MACROD2: variants seen among roughly 807,000 people sequenced by gnomAD.
MACROD2 encodes the protein mono-ADP ribosylhydrolase 2.
A neutral mutation model predicts 70.4 loss-of-function variants in MACROD2; 36 were observed. That is an observed-to-expected ratio of 0.51 (90% confidence interval 0.39 to 0.68). The LOEUF is 0.68. Ranked by LOEUF, MACROD2 falls within the 30% of genes least tolerant of loss-of-function variation. MACROD2 has a pLI of 0.00. For missense variants in MACROD2, 496 were observed against 538.4 expected (o/e 0.92, Z 0.78); for synonymous variants, 172 against 178.8 (o/e 0.96, Z 0.30).
chr20:14,197,726 C>T (rs1170508422), intron 3 of MACROD2, among the ~76,000 whole-genome samples: 1 of 151,822 alleles, frequency 6.6e-6, no homozygotes, highest in Non-Finnish European at 1.5e-5. Context: ...GAGATTGCAC[C>T]ACTGCATTCC....
intron 10 of MACROD2, 129 bp from the exon 11 acceptor site, chr20:15,933,147 C>A: frequency 1.1e-5 from 9 of 789,728 alleles, no homozygotes; most frequent in Non-Finnish European, 1.8e-5. Context: ...TGATTCATCT[C>A]TCTGCCTGGC....
intron 8 of MACROD2, among the ~76,000 whole-genome samples, chr20:15,665,790 A>G (rs564716574): frequency 6.6e-6 from 1 of 152,194 alleles, no homozygotes; most frequent in Non-Finnish European, 1.5e-5. Flanking sequence ...GTTTATACAT[A>G]TGAGACTTAT....
intron 2 of MACROD2, among the ~76,000 whole-genome samples, chr20:14,050,238 G>C (rs765741427): frequency 1.3e-5 from 2 of 152,152 alleles, no homozygotes; most frequent in African/African-American, 4.8e-5. Flanking sequence ...TCTGGAGAAG[G>C]CTTCTGGTTG....
chr20:14,732,622 T>G (rs773649173), intron 5 of MACROD2, among the ~76,000 whole-genome samples: 10 of 152,178 alleles, frequency 6.6e-5, no homozygotes, highest in Non-Finnish European at 1.5e-4. Context: ...AGTCGATGTT[T>G]TAGCCCGTAT....
At chr20:15,025,478 C>T (rs2075222790) in intron 5 of MACROD2, among the ~76,000 whole-genome samples, 1 of 150,604 alleles carries the variant, frequency 6.6e-6, no homozygotes, top group Non-Finnish European at 1.5e-5. Context: ...GAAAATGAAA[C>T]AAAGGGGGTG....
At chr20:15,579,574 G>T (rs893874711) in intron 8 of MACROD2, among the ~76,000 whole-genome samples, 15 of 152,112 alleles carry the variant, frequency 9.9e-5, no homozygotes, top group Non-Finnish European at 2.2e-4. Context: ...ATGTGTTTGT[G>T]GAATTTCCTT....
At chr20:14,324,724 A>G (rs1039756996) in intron 3 of MACROD2, 1 of 152,142 alleles carries the variant, frequency 6.6e-6, no homozygotes, top group Non-Finnish European at 1.5e-5. Flanking sequence ...ACCAAAATGC[A>G]GTTTTGGTAT....
At chr20:15,067,412 C>T (rs558980231) in intron 5 of MACROD2, among the ~76,000 whole-genome samples, 1 of 152,050 alleles carries the variant, frequency 6.6e-6, no homozygotes, top group South Asian at 2.1e-4. Context: ...TGCAGTGGTG[C>T]GATCTAAGCT....
At chr20:15,423,399 C>A (rs1600391243) in intron 6 of MACROD2, among the ~76,000 whole-genome samples, 1 of 152,332 alleles carries the variant, frequency 6.6e-6, no homozygotes, top group Middle Eastern at 3.4e-3. Context: ...AAGTCACATG[C>A]TCAAGTCTAT....
chr20:14,715,002 T>C lies in MACROD2; in HGVS notation c.418+30043T>C, dbSNP rs73262845. The stretch of plus-strand genomic sequence containing the variant: ...TATGTGGTTAAAATGTAAGGTGTTG[T>C]ATTAGTCCATTCTCATGCTGCTAAT... On this transcript the variant is annotated intron_variant, in intron 5 of 17. Coordinates refer to ENST00000684519, the MANE Select transcript of MACROD2 (RefSeq NM_001351661.2). Among the ~76,000 whole-genome samples, 1,483 of 152,328 alleles carry C rather than the reference T, an allele frequency of 9.7e-3. 25 individuals are homozygous for C. The highest frequency in any genetic ancestry group is 0.034 in the African/African-American group (1,413 of 41,570).
At chr20:14,369,793 AC>A (rs1438174637) in intron 3 of MACROD2, among the ~76,000 whole-genome samples, 3 of 152,200 alleles carry the variant, frequency 2.0e-5, no homozygotes, top group Non-Finnish European at 4.4e-5. Flanking sequence ...GAAATCTACC[AC>A]CTCCATAAAA....
At chr20:14,892,976 G>GC (rs1158819154) in intron 5 of MACROD2, 1 of 152,136 alleles carries the variant, frequency 6.6e-6, no homozygotes, top group African/African-American at 2.4e-5. Flanking sequence ...ACCACGCCCA[G>GC]CCCATGATTC....
chr20:15,727,052 A>G (rs1206944030), intron 8 of MACROD2, among the ~76,000 whole-genome samples: 2 of 152,030 alleles, frequency 1.3e-5, no homozygotes, highest in Non-Finnish European at 2.9e-5. Flanking sequence ...TGGGATTTTT[A>G]TAGTTTTAGG....
chr20:14,960,486 A>G (rs1210871061), intron 5 of MACROD2, among the ~76,000 whole-genome samples: 2 of 152,232 alleles, frequency 1.3e-5, no homozygotes, highest in Non-Finnish European at 2.9e-5. Context: ...TATCTGTGCT[A>G]TAGACAATAA....
chr20:15,252,150 G>T (rs557028985), intron 6 of MACROD2, among the ~76,000 whole-genome samples: 1 of 152,298 alleles, frequency 6.6e-6, no homozygotes, highest in East Asian at 1.9e-4. Context: ...CTAATTTTGA[G>T]GAGCTATACT....
intron 4 of MACROD2, among the ~76,000 whole-genome samples, chr20:14,600,576 T>G (rs1304965415): frequency 1.3e-5 from 2 of 152,146 alleles, no homozygotes; most frequent in East Asian, 3.8e-4. Context: ...TAATTTAGTC[T>G]TTTAATTAAC....
intron 5 of MACROD2, among the ~76,000 whole-genome samples, chr20:15,188,298 G>A (rs1246555611): frequency 2.0e-5 from 3 of 152,150 alleles, no homozygotes; most frequent in Non-Finnish European, 2.9e-5. Flanking sequence ...AGGGGAGAAA[G>A]AAGTAGCAGA....
At chr20:15,126,153 T>A (rs1159243091) in intron 5 of MACROD2, among the ~76,000 whole-genome samples, 6 of 146,706 alleles carry the variant, frequency 4.1e-5, no homozygotes, top group African/African-American at 1.2e-4. Context: ...ATAGTTCTGT[T>A]ATAAACATTT....
At chr20:15,698,382 A>C (rs2146891210) in intron 8 of MACROD2, among the ~76,000 whole-genome samples, 1 of 152,306 alleles carries the variant, frequency 6.6e-6, no homozygotes, top group African/African-American at 2.4e-5. Context: ...TGTTTTGTTT[A>C]AAGAGGCTGA....
Sources: allele counts gnomAD v4.1 joint callset (sites outside exome capture counted in the v4.1 genomes callset), GRCh38; gene constraint gnomAD v4.1.1; transcripts MANE v1.5; gene names NCBI Gene and HGNC (gene_info 2026-07-23, HGNC 2026-07-21).